LINGO2: variants seen among roughly 807,000 people sequenced by gnomAD.
LINGO2 encodes the protein leucine rich repeat and Ig domain containing 2.
In LINGO2, 14 loss-of-function variants were observed where a neutral mutation model predicts 30.6. That is an observed-to-expected ratio of 0.46 (90% CI 0.30 to 0.72). LINGO2 has a LOEUF of 0.72. Among genes scored for constraint, LINGO2 ranks in the 30% least tolerant of loss-of-function variants. The pLI is 0.07. For synonymous variants in LINGO2, 317 were observed against 288.5 expected (o/e 1.10, Z -1.00); for missense variants, 729 against 751.7 (o/e 0.97, Z 0.35).
chr9:28,268,560 G>T (rs886414937), intron 4 of LINGO2, among the ~76,000 whole-genome samples: 41 of 152,196 alleles, frequency 2.7e-4, no homozygotes, highest in African/African-American at 9.9e-4. Flanking sequence ...GTCCATTTGA[G>T]TATAAGACAA....
intron 4 of LINGO2, among the ~76,000 whole-genome samples, chr9:28,047,174 A>G (rs146830751): frequency 6.6e-6 from 1 of 152,184 alleles, no homozygotes; most frequent in Non-Finnish European, 1.5e-5. Flanking sequence ...AAGGGTGGAG[A>G]TGTACTTCGT....
intron 4 of LINGO2, among the ~76,000 whole-genome samples, chr9:28,156,370 T>C (rs1828131322): frequency 6.6e-6 from 1 of 152,188 alleles, no homozygotes; most frequent in African/African-American, 2.4e-5. Flanking sequence ...ATTAGAATTG[T>C]TAAAGAACCT....
At chr9:29,176,565 G>C in the LINGO2 span, among the ~76,000 whole-genome samples, 1 of 152,180 alleles carries the variant, frequency 6.6e-6, no homozygotes, top group East Asian at 1.9e-4. Flanking sequence ...TATGCAAACT[G>C]TGCTTAATCT....
intron 3 of LINGO2, among the ~76,000 whole-genome samples, chr9:28,342,200 A>G (rs2134394597): frequency 6.6e-6 from 1 of 152,236 alleles, no homozygotes; most frequent in South Asian, 2.1e-4. Flanking sequence ...CTATATAGCT[A>G]GTATGTGCTC....
At chr9:29,203,367 T>C in the LINGO2 span, among the ~76,000 whole-genome samples, 3 of 152,204 alleles carry the variant, frequency 2.0e-5, no homozygotes, top group African/African-American at 7.2e-5. Context: ...TTGCAAGGAA[T>C]GTATCTAAGG....
chr9:28,786,717 C>G, the LINGO2 span, among the ~76,000 whole-genome samples: 1 of 152,006 alleles, frequency 6.6e-6, no homozygotes, highest in East Asian at 1.9e-4. Flanking sequence ...GATCCTGAGT[C>G]AAATCATGAA....
chr9:27,950,821 A>G, intron 5 of LINGO2, 115 bp from the exon 7 acceptor site: 1 of 510,826 alleles, frequency 2.0e-6, no homozygotes, highest in East Asian at 3.3e-5. Flanking sequence ...TTTGGAATCA[A>G]TCAGATTTGG....
chr9:28,313,181 A>T (rs994258113), intron 3 of LINGO2, among the ~76,000 whole-genome samples: 4 of 152,208 alleles, frequency 2.6e-5, no homozygotes, highest in African/African-American at 9.6e-5. Flanking sequence ...AAGTTATATC[A>T]TTGGCTAATA....
At chr9:28,835,896 G>C in the LINGO2 span, among the ~76,000 whole-genome samples, 10 of 152,030 alleles carry the variant, frequency 6.6e-5, no homozygotes, top group Admixed American at 1.3e-4. Context: ...TCTTTGCTTT[G>C]AGTTCTCTAC....
At chr9:27,993,054 A>C (rs1471782050) in intron 5 of LINGO2, among the ~76,000 whole-genome samples, 1 of 152,142 alleles carries the variant, frequency 6.6e-6, no homozygotes, top group Admixed American at 6.6e-5. Context: ...AAAATCATTA[A>C]TCACTTGACG....
At chr9:29,065,812 C>G in the LINGO2 span, among the ~76,000 whole-genome samples, 1 of 149,464 alleles carries the variant, frequency 6.7e-6, no homozygotes, top group Non-Finnish European at 1.5e-5. Context: ...AAAAGACAGA[C>G]AAAAAAAAAT....
the LINGO2 span, among the ~76,000 whole-genome samples, chr9:29,027,930 G>A: frequency 6.6e-6 from 1 of 152,184 alleles, no homozygotes; most frequent in Non-Finnish European, 1.5e-5. Flanking sequence ...AGCAGATGGA[G>A]TAGAGGCAGA....
At chr9:28,071,122 C>A (rs1345582992) in intron 4 of LINGO2, among the ~76,000 whole-genome samples, 3 of 152,164 alleles carry the variant, frequency 2.0e-5, no homozygotes, top group African/African-American at 4.8e-5. Flanking sequence ...GCCTTACATG[C>A]ACTTATAGCG....
chr9:29,059,413 TAAAAAA>T, the LINGO2 span, among the ~76,000 whole-genome samples: 2 of 138,334 alleles, frequency 1.4e-5, no homozygotes, highest in Non-Finnish European at 3.3e-5. Context: ...AGATTAAAAT[TAAAAAA>T]TAAATAAATA....
At chr9:28,186,047 G>A (rs769058392) in intron 4 of LINGO2, among the ~76,000 whole-genome samples, 6 of 152,042 alleles carry the variant, frequency 3.9e-5, no homozygotes, top group East Asian at 1.9e-4. Flanking sequence ...TCAGCCAACC[G>A]TCTTCTTCCA....
At chr9:28,033,102 T>C (rs1312686347) in intron 4 of LINGO2, among the ~76,000 whole-genome samples, 1 of 152,208 alleles carries the variant, frequency 6.6e-6, no homozygotes, top group Non-Finnish European at 1.5e-5. Flanking sequence ...ACCCTCTGCA[T>C]TTGCTGCTAT....
At chr9:28,342,424 T>C (rs1825798792) in intron 3 of LINGO2, among the ~76,000 whole-genome samples, 1 of 152,162 alleles carries the variant, frequency 6.6e-6, no homozygotes. Flanking sequence ...ATTATGGAGA[T>C]GTACAATTCT....
chr9:28,820,416 T>A, the LINGO2 span, among the ~76,000 whole-genome samples: 1 of 151,974 alleles, frequency 6.6e-6, no homozygotes, highest in African/African-American at 2.4e-5. Context: ...TCCACTAAAA[T>A]GATGAAAAAG....
chr9:28,396,658 C>G (rs1325476136), intron 2 of LINGO2, among the ~76,000 whole-genome samples: 1 of 137,802 alleles, frequency 7.3e-6, no homozygotes, highest in African/African-American at 2.7e-5. Flanking sequence ...GAGCCGAGAT[C>G]ACGCCACTGC....
Sources: gnomAD v4.1 joint callset for allele counts (sites outside exome capture counted in the v4.1 genomes callset) on GRCh38, gnomAD v4.1.1 for gene constraint, MANE v1.5 for transcripts, NCBI Gene and HGNC (gene_info 2026-07-23, HGNC 2026-07-21) for gene names.